EIF2B3: variants seen among roughly 807,000 people sequenced by gnomAD.
EIF2B3 encodes eukaryotic translation initiation factor 2B subunit gamma, also known as translation initiation factor eIF2B subunit gamma.
Under a neutral mutation model 54.1 loss-of-function variants are expected in EIF2B3, and 20 were observed. The observed-to-expected ratio is 0.37, with a 90% CI of 0.26 to 0.54. EIF2B3 has a LOEUF of 0.54. Ranked by LOEUF, EIF2B3 falls within the 20% of genes least tolerant of loss-of-function variation. The pLI, the probability that EIF2B3 is intolerant of heterozygous loss-of-function variation, is 0.86. For synonymous variants in EIF2B3, 153 were observed against 188.1 expected, an observed-to-expected ratio of 0.81 and a Z score of 1.52; for missense variants, 448 against 547.8, an observed-to-expected ratio of 0.82 and a Z score of 1.82.
At chr1:44,893,058 T>A (rs1292715952) in intron 6 of EIF2B3, among the ~76,000 whole-genome samples, 3 of 152,328 alleles carry the variant, frequency 2.0e-5, no homozygotes, top group East Asian at 3.9e-4. Flanking sequence ...TCATCTTTTT[T>A]AATTTTTAAC....
chr1:44,877,214 A>AAC lies in EIF2B3; in HGVS notation c.976-1520_976-1519insGT, dbSNP rs1557666574. Among the ~76,000 whole-genome samples the AAC allele has an allele frequency of 4.7e-3, 695 of 148,542 alleles. 10 individuals are homozygous for AAC. The highest frequency in any genetic ancestry group is 0.017 in the African/African-American group (665 of 39,418). Reference sequence around the variant, plus strand: ...CAATAAAAAAAAAAAAAAAAAAAAAAAAAAAAAACACCTTAGGTAGAACCC... The same window carrying AAC: ...CAATAAAAAAAAAAAAAAAAAAAAAAACAAAAAAAACACCTTAGGTAGAACCC... On this transcript the variant is annotated intron_variant, in intron 8 of 11. Transcript: ENST00000360403.
intron 11 of EIF2B3, among the ~76,000 whole-genome samples, chr1:44,853,996 T>A (rs1049577583): frequency 9.9e-6 from 1 of 101,078 alleles, no homozygotes; most frequent in Admixed American, 9.5e-5. Context: ...CAGTTAGTGT[T>A]TTTTTTTTTT....
In EIF2B3 at chr1:44,891,416, C is replaced by T. The variant is rs142886589; in HGVS notation, c.656+5939G>A. Among the ~76,000 whole-genome samples the T allele has an allele frequency of 3.0e-4, 45 of 152,236 alleles. 1 individual carries two copies. Among genetic ancestry groups the T allele is most frequent in the African/African-American group, 1.0e-3 (43 of 41,530 alleles). On this transcript the variant is annotated intron_variant, in intron 6 of 11. Transcript: ENST00000360403. ...TGCTGGGAATACAGGCATGAGCCAC[C>T]GCACCCAGCTGACAGAATATTTCTG...
At chr1:44,886,270 G>A (rs140032520) in intron 6 of EIF2B3, among the ~76,000 whole-genome samples, 1,874 of 150,938 alleles carry the variant, frequency 0.012, 42 homozygotes, top group African/African-American at 0.044. Context: ...TAGTAGAGAC[G>A]GGGTTTCAAC....
At chr1:44,964,626 G>A (rs889162792) in intron 3 of EIF2B3, among the ~76,000 whole-genome samples, 3 of 152,126 alleles carry the variant, frequency 2.0e-5, no homozygotes, top group Non-Finnish European at 2.9e-5. Flanking sequence ...CATAACAATA[G>A]TCCTTTCTCT....
At chr1:44,962,824 G>T (rs568030434) in intron 3 of EIF2B3, among the ~76,000 whole-genome samples, 2 of 152,132 alleles carry the variant, frequency 1.3e-5, no homozygotes. Context: ...AATAATATTG[G>T]ACAAACTCTT....
chr1:44,904,165 C>T (rs1483984266), intron 5 of EIF2B3, among the ~76,000 whole-genome samples: 1 of 152,164 alleles, frequency 6.6e-6, no homozygotes, highest in African/African-American at 2.4e-5. Flanking sequence ...TTTTCCTAAC[C>T]AAGCTAAGTT....
rs143220681 is a variant in EIF2B3 at position 44,957,244 on chromosome 1, C to T, written c.295-15579G>A. ...TCGTGCCATGGCACTCTAGCCTAGGCGACAGGGCAAGACCTAAAAGTTTTC... is the reference window on the plus strand; with the variant it reads ...TCGTGCCATGGCACTCTAGCCTAGGTGACAGGGCAAGACCTAAAAGTTTTC... On this transcript the variant is annotated intron_variant, in intron 3 of 11. Coordinates refer to ENST00000360403, the MANE Select transcript of EIF2B3 (RefSeq NM_020365.5). 8.0e-3 allele frequency among the ~76,000 whole-genome samples: 977 copies of T among 121,888 alleles called. 10 individuals carry two copies. The highest frequency in any genetic ancestry group is 0.03 in the African/African-American group (932 of 31,428). 80.0% of individuals were successfully genotyped at this position (121,888 alleles called of 152,430 possible).
chr1:44,920,016 G>A lies in EIF2B3; in HGVS notation c.566+6612C>T, dbSNP rs533344738. 2.1e-3 allele frequency among the ~76,000 whole-genome samples: 314 copies of A among 149,318 alleles called. 1 individual carries two copies. The highest frequency in any genetic ancestry group is 7.2e-3 in the African/African-American group (293 of 40,726). On this transcript the variant is annotated intron_variant, in intron 5 of 11. Coordinates refer to ENST00000360403, the MANE Select transcript of EIF2B3 (RefSeq NM_020365.5). ...ATTATAGGCATGAACCACTGCACCC[G>A]GCCTGAATGTCCTTTTTCTTTCTTT...
At chr1:44,933,373 G>C (rs977049969) in intron 4 of EIF2B3, among the ~76,000 whole-genome samples, 2 of 152,192 alleles carry the variant, frequency 1.3e-5, no homozygotes, top group African/African-American at 4.8e-5. Context: ...AGTGGGGGCA[G>C]AGCATGTGGT....
chr1:44,911,613 G>A (rs967720425), intron 5 of EIF2B3, among the ~76,000 whole-genome samples: 3 of 152,164 alleles, frequency 2.0e-5, no homozygotes, highest in African/African-American at 7.2e-5. Flanking sequence ...TCCCACAGAG[G>A]TTAAAAAGAA....
rs552765688 is a variant in EIF2B3, at chr1:44,960,528, A to G, written c.294+17787T>C. On this transcript the variant is annotated intron_variant, in intron 3 of 11. Transcript: ENST00000360403. ...GTGGCGGGCGCCTGTAGTCCCAGCT[A>G]CTCCGGAGGCTGAGGCAGGAGAATG... is the stretch of plus-strand genomic sequence containing the variant. Among the ~76,000 whole-genome samples, 1,213 of 151,718 alleles carry G rather than the reference A, an allele frequency of 8.0e-3. 15 individuals are homozygous for G. The highest frequency in any genetic ancestry group is 0.028 in the African/African-American group (1,143 of 41,346).
At chr1:44,925,689 G>C (rs567059100) in intron 5 of EIF2B3, among the ~76,000 whole-genome samples, 3 of 152,230 alleles carry the variant, frequency 2.0e-5, no homozygotes, top group Admixed American at 6.5e-5. Flanking sequence ...GCACTTTGGG[G>C]GCTGAGGCGG....
rs528724443 is a variant in EIF2B3, at chr1:44,978,038, G to A, written c.294+277C>T. On this transcript the variant is annotated intron_variant, in intron 3 of 11. Transcript: ENST00000360403. The stretch of plus-strand genomic sequence containing the variant: ...GTGGATCACCTGAGGTCAGGAGTTC[G>A]AGTCTAGCCTGGCCAACATCCCATC... Among the ~76,000 whole-genome samples the A allele has an allele frequency of 1.3e-3, 198 of 152,260 alleles. 2 individuals are homozygous for A. Among genetic ancestry groups the A allele is most frequent in the Middle Eastern group, 3.4e-3 (1 of 294 alleles).
intron 5 of EIF2B3, among the ~76,000 whole-genome samples, chr1:44,919,235 A>G (rs2148927767): frequency 6.6e-6 from 1 of 152,188 alleles, no homozygotes; most frequent in South Asian, 2.1e-4. Context: ...CTGTAATCCC[A>G]ACTACTCGGG....
intron 5 of EIF2B3, among the ~76,000 whole-genome samples, chr1:44,920,418 T>C (rs1038485807): frequency 3.9e-5 from 6 of 152,202 alleles, no homozygotes; most frequent in African/African-American, 1.4e-4. Flanking sequence ...TTTTAAAATG[T>C]ACAATTAAAT....
In EIF2B3 at chr1:44,960,455, C is replaced by T. The variant is rs372754697; in HGVS notation, c.294+17860G>A. Among the ~76,000 whole-genome samples, 9 of 152,052 alleles carry T rather than the reference C, an allele frequency of 5.9e-5. No individual in the cohort carries two copies. The East Asian group carries it at 9.7e-4, about 16-fold the overall frequency. ...GAGATCGAGACCATCCTGGCTAACA[C>T]GGTGAAACCCCGTCTCTACTAAAGA... On this transcript the variant is annotated intron_variant, in intron 3 of 11. Transcript: ENST00000360403.
intron 3 of EIF2B3, among the ~76,000 whole-genome samples, chr1:44,953,089 C>G (rs559552349): frequency 9.3e-5 from 14 of 150,928 alleles, no homozygotes; most frequent in South Asian, 2.1e-4. Context: ...GGATCACTCC[C>G]GTCAGTATAG....
At chr1:44,979,123 T>TA (rs996805421) in intron 2 of EIF2B3, among the ~76,000 whole-genome samples, 6 of 146,440 alleles carry the variant, frequency 4.1e-5, no homozygotes, top group African/African-American at 1.0e-4. Flanking sequence ...CTTGTCTCTA[T>TA]AAAAAAACTC....
Sources: allele counts gnomAD v4.1 joint callset (sites outside exome capture counted in the v4.1 genomes callset), GRCh38; gene constraint gnomAD v4.1.1; transcripts MANE v1.5; gene names NCBI Gene and HGNC (gene_info 2026-07-23, HGNC 2026-07-21).